MEI4: variants seen among roughly 807,000 people sequenced by gnomAD.
MEI4 encodes the protein meiotic double-stranded break formation protein 4.
MEI4 carries 27 observed loss-of-function variants against 31.4 expected under a neutral mutation model. The ratio of observed to expected loss-of-function variants is 0.86; its 90% CI spans 0.63 to 1.19. The LOEUF (loss-of-function observed/expected upper bound fraction) is 1.19, where lower values mean the gene tolerates loss of function less well. Among genes scored for constraint, MEI4 ranks in the 50% most tolerant of loss-of-function variants. The pLI, the probability that MEI4 is intolerant of heterozygous loss-of-function variation, is 0.00. For synonymous variants in MEI4, 122 were observed against 145.4 expected (o/e 0.84, Z 1.16); for missense variants, 329 against 398.9 (o/e 0.82, Z 1.49).
At chr6:77,735,325 G>A (rs9352521) in intron 2 of MEI4, among the ~76,000 whole-genome samples, 43,091 of 150,854 alleles carry the variant, frequency 0.29, 6,279 homozygotes, top group East Asian at 0.48. Flanking sequence ...TGGAGGCTTT[G>A]CTCATTTCTT....
intron 4 of MEI4, among the ~76,000 whole-genome samples, chr6:77,893,049 G>T (rs1379146126): frequency 6.6e-6 from 1 of 152,098 alleles, no homozygotes; most frequent in African/African-American, 2.4e-5. Flanking sequence ...GTGCCTCCTG[G>T]CTCCAAGCCA....
intron 3 of MEI4, among the ~76,000 whole-genome samples, chr6:77,781,621 G>A (rs1006527077): frequency 2.0e-5 from 3 of 152,054 alleles, no homozygotes; most frequent in African/African-American, 7.2e-5. Flanking sequence ...ACATTATTAA[G>A]TTCTTTCTAT....
At chr6:77,658,820 A>G (rs4708358) in intron 1 of MEI4, among the ~76,000 whole-genome samples, 46,104 of 151,636 alleles carry the variant, frequency 0.3, 7,104 homozygotes, top group South Asian at 0.41. Context: ...CAGGACATCC[A>G]ATTAGAGAGT....
intron 2 of MEI4, among the ~76,000 whole-genome samples, chr6:77,741,530 A>C (rs1767400086): frequency 6.6e-6 from 1 of 152,170 alleles, no homozygotes; most frequent in African/African-American, 2.4e-5. Flanking sequence ...ATTCAGATAC[A>C]TATGTTATGA....
At chr6:77,867,348 A>C (rs374911221) in intron 4 of MEI4, among the ~76,000 whole-genome samples, 1 of 152,232 alleles carries the variant, frequency 6.6e-6, no homozygotes, top group Non-Finnish European at 1.5e-5. Flanking sequence ...TAATATTCAG[A>C]ATCTACAATG....
intron 4 of MEI4, among the ~76,000 whole-genome samples, chr6:77,918,574 G>C (rs1264899574): frequency 6.7e-6 from 1 of 150,194 alleles, no homozygotes; most frequent in South Asian, 2.1e-4. Context: ...CTGTTTGTCT[G>C]TTGTTGGTGT....
intron 4 of MEI4, among the ~76,000 whole-genome samples, chr6:77,906,031 T>G (rs192367635): frequency 1.3e-3 from 200 of 152,238 alleles, no homozygotes; most frequent in Non-Finnish European, 2.4e-3. Flanking sequence ...ATTTTCCTTT[T>G]TTAATACAAT....
intron 4 of MEI4, among the ~76,000 whole-genome samples, chr6:77,838,858 G>A (rs190913459): frequency 1.6e-4 from 24 of 151,514 alleles, no homozygotes; most frequent in Non-Finnish European, 2.8e-4. Context: ...AACTGAGATC[G>A]TGCCATTGCA....
intron 3 of MEI4, among the ~76,000 whole-genome samples, chr6:77,762,683 T>A (rs1049021112): frequency 1.3e-5 from 2 of 152,218 alleles, no homozygotes; most frequent in Non-Finnish European, 2.9e-5. Flanking sequence ...TTTGCACTGA[T>A]AAACCAATTT....
chr6:77,806,305 G>A (rs1249049421), intron 3 of MEI4, among the ~76,000 whole-genome samples: 18 of 152,100 alleles, frequency 1.2e-4, no homozygotes, highest in Admixed American at 1.2e-3. Flanking sequence ...GGAGGCTGAA[G>A]TGTCTCTCAG....
chr6:77,747,958 A>G (rs1312458522), intron 2 of MEI4, among the ~76,000 whole-genome samples: 1 of 152,250 alleles, frequency 6.6e-6, no homozygotes, highest in African/African-American at 2.4e-5. Flanking sequence ...ATGCAAGTGC[A>G]GAATCCAGTG....
intron 3 of MEI4, among the ~76,000 whole-genome samples, chr6:77,803,725 G>A (rs149888062): frequency 3.2e-4 from 49 of 152,296 alleles, no homozygotes; most frequent in African/African-American, 1.2e-3. Flanking sequence ...GTTGGAGTTT[G>A]CTGGAGGTCC....
At chr6:77,911,409 T>C (rs1766431551) in intron 4 of MEI4, among the ~76,000 whole-genome samples, 2 of 151,984 alleles carry the variant, frequency 1.3e-5, no homozygotes, top group South Asian at 4.1e-4. Flanking sequence ...TTCACTGAGG[T>C]AGTGAGCACG....
chr6:77,891,872 T>G (rs143154219), intron 4 of MEI4, among the ~76,000 whole-genome samples: 337 of 152,314 alleles, frequency 2.2e-3, no homozygotes, highest in African/African-American at 7.4e-3. Context: ...TTTGTATGAT[T>G]TGAGGCAGCT....
At chr6:77,735,249 TCC>T (rs1767153699) in intron 2 of MEI4, among the ~76,000 whole-genome samples, 3 of 152,136 alleles carry the variant, frequency 2.0e-5, no homozygotes, top group Non-Finnish European at 2.9e-5. Context: ...GGCTCCATTC[TCC>T]CCGTCACTTT....
chr6:77,741,507 T>A (rs1278695263), intron 2 of MEI4, among the ~76,000 whole-genome samples: 1 of 152,140 alleles, frequency 6.6e-6, no homozygotes, highest in African/African-American at 2.4e-5. Flanking sequence ...TGGAAGGGAC[T>A]AGGGAAGGAC....
At chr6:77,762,390 C>A (rs1194495933) in intron 3 of MEI4, among the ~76,000 whole-genome samples, 3 of 152,100 alleles carry the variant, frequency 2.0e-5, no homozygotes, top group African/African-American at 7.2e-5. Flanking sequence ...TAGAGAATTT[C>A]TTTTTCATAT....
At chr6:77,746,862 G>A (rs189249880) in intron 2 of MEI4, among the ~76,000 whole-genome samples, 2 of 152,150 alleles carry the variant, frequency 1.3e-5, no homozygotes, top group East Asian at 1.9e-4. Flanking sequence ...TGGACAACAC[G>A]TAGGGCAAAC....
intron 3 of MEI4, among the ~76,000 whole-genome samples, chr6:77,812,821 A>G (rs1401032010): frequency 1.3e-5 from 2 of 152,104 alleles, no homozygotes; most frequent in East Asian, 1.9e-4. Flanking sequence ...AGAAAATAAA[A>G]TGTGTTGATT....
Sources: gnomAD v4.1 joint callset for allele counts (sites outside exome capture counted in the v4.1 genomes callset) on GRCh38, gnomAD v4.1.1 for gene constraint, MANE v1.5 for transcripts, NCBI Gene and HGNC (gene_info 2026-07-23, HGNC 2026-07-21) for gene names.